The following SLC24A2 variants were observed in gnomAD, a reference collection of about 807,000 sequenced individuals.
The protein encoded by SLC24A2 is solute carrier family 24 member 2, also known as sodium/potassium/calcium exchanger 2.
A neutral mutation model predicts 62.0 loss-of-function variants in SLC24A2; 36 were observed. That is an observed-to-expected ratio of 0.58 (90% CI 0.44 to 0.77). The LOEUF (loss-of-function observed/expected upper bound fraction) is 0.77, where lower values mean the gene tolerates loss of function less well. Ranked by LOEUF, SLC24A2 falls within the 30% of genes least tolerant of loss-of-function variation. SLC24A2 has a pLI of 0.00. For missense variants in SLC24A2, 846 were observed against 817.9 expected (o/e 1.03, Z -0.42); for synonymous variants, 358 against 294.0 (o/e 1.22, Z -2.23).
At chr9:20,018,091 C>A in the SLC24A2 span, among the ~76,000 whole-genome samples, 13 of 152,138 alleles carry the variant, frequency 8.5e-5, no homozygotes, top group Non-Finnish European at 1.9e-4. Context: ...GGACTACAGG[C>A]ACCCGCCACC....
chr9:19,628,914 C>T (rs144910689), intron 2 of SLC24A2, among the ~76,000 whole-genome samples: 41 of 152,170 alleles, frequency 2.7e-4, no homozygotes, highest in Non-Finnish European at 4.6e-4. Context: ...TTGTGCCCTG[C>T]GAGGTGCGGG....
At chr9:20,253,254 C>T in the SLC24A2 span, among the ~76,000 whole-genome samples, 2 of 152,158 alleles carry the variant, frequency 1.3e-5, no homozygotes, top group African/African-American at 4.8e-5. Context: ...TATCTAAGCT[C>T]CCATTTACAA....
chr9:19,764,735 G>T (rs1822458471), intron 2 of SLC24A2, among the ~76,000 whole-genome samples: 1 of 152,174 alleles, frequency 6.6e-6, no homozygotes. Context: ...GTTGATTTTA[G>T]AATAAGTGCT....
the SLC24A2 span, among the ~76,000 whole-genome samples, chr9:20,116,197 T>A: frequency 2.0e-5 from 3 of 152,184 alleles, no homozygotes; most frequent in Non-Finnish European, 4.4e-5. Flanking sequence ...ACCATGAGTC[T>A]GTTCAAACAG....
the SLC24A2 span, among the ~76,000 whole-genome samples, chr9:19,914,978 G>A: frequency 1.3e-5 from 2 of 151,874 alleles, 1 homozygote; most frequent in African/African-American, 4.8e-5. Context: ...CACCATTTTA[G>A]CCATTTTAAA....
chr9:19,622,929 C>G (rs893925147), intron 2 of SLC24A2, among the ~76,000 whole-genome samples: 6 of 152,146 alleles, frequency 3.9e-5, no homozygotes, highest in African/African-American at 1.4e-4. Context: ...ATATGGAAAT[C>G]AGATAACCCA....
At chr9:20,232,556 G>A in the SLC24A2 span, among the ~76,000 whole-genome samples, 2 of 152,302 alleles carry the variant, frequency 1.3e-5, no homozygotes, top group East Asian at 3.9e-4. Flanking sequence ...ATGGTAGTTT[G>A]TATTTCTGTG....
the SLC24A2 span, among the ~76,000 whole-genome samples, chr9:20,097,812 G>C: frequency 4.8e-3 from 601 of 124,096 alleles, 4 homozygotes; most frequent in African/African-American, 0.018. Flanking sequence ...GCGCGATCTC[G>C]ACTCACTGCA....
intron 2 of SLC24A2, among the ~76,000 whole-genome samples, chr9:19,669,030 T>C (rs556488732): frequency 6.6e-6 from 1 of 152,314 alleles, no homozygotes; most frequent in African/African-American, 2.4e-5. Flanking sequence ...CTTGGCCTGG[T>C]AATTTGAAGA....
chr9:19,766,832 T>A (rs1367299363), intron 2 of SLC24A2, among the ~76,000 whole-genome samples: 2 of 152,164 alleles, frequency 1.3e-5, no homozygotes, highest in African/African-American at 2.4e-5. Context: ...TGCTGGGAGA[T>A]CTGCTGCTCT....
the SLC24A2 span, among the ~76,000 whole-genome samples, chr9:20,265,745 C>T: frequency 3.4e-4 from 48 of 141,014 alleles, no homozygotes; most frequent in Admixed American, 1.5e-3. Context: ...CTCTGGCCGC[C>T]GGTGAGCCAG....
chr9:19,594,812 C>T (rs887186381), intron 5 of SLC24A2, among the ~76,000 whole-genome samples: 4 of 151,972 alleles, frequency 2.6e-5, no homozygotes, highest in African/African-American at 9.7e-5. Context: ...GGGGAGAGAC[C>T]CTTGAGAGTT....
chr9:19,603,469 A>G (rs1445851160), intron 4 of SLC24A2, among the ~76,000 whole-genome samples: 1 of 152,026 alleles, frequency 6.6e-6, no homozygotes, highest in African/African-American at 2.4e-5. Context: ...GCTTGGTTAT[A>G]TTACATGTGA....
chr9:20,194,876 A>T, the SLC24A2 span, among the ~76,000 whole-genome samples: 2 of 151,944 alleles, frequency 1.3e-5, no homozygotes, highest in Admixed American at 1.3e-4. Context: ...CACACACACT[A>T]CATCTTTTCC....
intron 8 of SLC24A2, among the ~76,000 whole-genome samples, chr9:19,546,001 G>C (rs4977552): frequency 6.6e-6 from 1 of 152,092 alleles, no homozygotes; most frequent in African/African-American, 2.4e-5. Flanking sequence ...GTCCACTCCA[G>C]ACCCTGTTTG....
chr9:19,578,947 G>C (rs1402831243), intron 5 of SLC24A2, among the ~76,000 whole-genome samples: 3 of 152,170 alleles, frequency 2.0e-5, no homozygotes, highest in Non-Finnish European at 2.9e-5. Flanking sequence ...GCACCACTGA[G>C]TACACTCTCA....
At chr9:19,949,243 C>T in the SLC24A2 span, among the ~76,000 whole-genome samples, 2 of 152,028 alleles carry the variant, frequency 1.3e-5, no homozygotes. Flanking sequence ...ATCTGCACGC[C>T]TCGGCCTCCC....
chr9:19,654,697 ATGTATACCCT>A (rs1316723918), intron 2 of SLC24A2, among the ~76,000 whole-genome samples: 1 of 151,890 alleles, frequency 6.6e-6, no homozygotes, highest in Non-Finnish European at 1.5e-5. Context: ...TCATTTACCT[ATGTATACCCT>A]TTGAACCTGC....
intron 5 of SLC24A2, among the ~76,000 whole-genome samples, chr9:19,592,864 T>C (rs561798108): frequency 3.4e-4 from 52 of 152,334 alleles, no homozygotes; most frequent in African/African-American, 1.3e-3. Context: ...AGTATCACTG[T>C]ATGAGAAGAT....
Sources: gnomAD v4.1 joint callset for allele counts (sites outside exome capture counted in the v4.1 genomes callset) on GRCh38, gnomAD v4.1.1 for gene constraint, MANE v1.5 for transcripts, NCBI Gene and HGNC (gene_info 2026-07-23, HGNC 2026-07-21) for gene names.